LINGO2: variants seen among roughly 807,000 people sequenced by gnomAD.
LINGO2 encodes leucine-rich repeat and immunoglobulin-like domain-containing nogo receptor-interacting protein 2.
In LINGO2, 14 loss-of-function variants were observed where a neutral mutation model predicts 30.6. The observed-to-expected ratio is 0.46, with a 90% CI of 0.30 to 0.72. The LOEUF is 0.72. Among genes scored for constraint, LINGO2 ranks in the 30% least tolerant of loss-of-function variants. The pLI, the probability that LINGO2 is intolerant of heterozygous loss-of-function variation, is 0.07. For missense variants in LINGO2, 729 were observed against 751.7 expected, an observed-to-expected ratio of 0.97 and a Z score of 0.35; for synonymous variants, 317 against 288.5, an observed-to-expected ratio of 1.10 and a Z score of -1.00.
At chr9:27,949,286 C>A (rs1281063042) in exon 6 of LINGO2, 2 of 1,613,988 alleles carry the variant, frequency 1.2e-6, no homozygotes, top group East Asian at 2.2e-5. Flanking sequence ...CATCACCCAA[C>A]ACGGTGGCTC....
chr9:28,495,957 A>G (rs1218888286), intron 1 of LINGO2, among the ~76,000 whole-genome samples: 3 of 152,088 alleles, frequency 2.0e-5, no homozygotes, highest in Admixed American at 6.6e-5. Flanking sequence ...GTTTCCATGT[A>G]GTTGAGTGGT....
chr9:28,714,029 C>T, the LINGO2 span, among the ~76,000 whole-genome samples: 1 of 151,648 alleles, frequency 6.6e-6, no homozygotes, highest in African/African-American at 2.4e-5. Context: ...CCTGGTGATG[C>T]ATGCCTGCAA....
chr9:29,067,559 T>G, the LINGO2 span, among the ~76,000 whole-genome samples: 1 of 151,522 alleles, frequency 6.6e-6, no homozygotes, highest in East Asian at 1.9e-4. Context: ...GCAGAAATCT[T>G]AAGGAAAAGT....
intron 1 of LINGO2, among the ~76,000 whole-genome samples, chr9:28,649,576 T>C (rs1269391698): frequency 1.5e-5 from 2 of 137,800 alleles, no homozygotes; most frequent in Admixed American, 7.2e-5. Flanking sequence ...ATGCTACAAC[T>C]TAAATCAGTT....
chr9:28,810,871 C>A, the LINGO2 span, among the ~76,000 whole-genome samples: 1 of 152,062 alleles, frequency 6.6e-6, no homozygotes, highest in African/African-American at 2.4e-5. Context: ...GGGGGTGAGT[C>A]ACATCCTCTG....
intron 1 of LINGO2, among the ~76,000 whole-genome samples, chr9:28,520,644 G>C (rs897785451): frequency 2.0e-5 from 3 of 152,084 alleles, no homozygotes; most frequent in Non-Finnish European, 4.4e-5. Flanking sequence ...GAACCTAGAA[G>C]ACAGCCTAGT....
At chr9:28,609,156 GTT>G (rs397942277) in intron 1 of LINGO2, among the ~76,000 whole-genome samples, 3 of 141,022 alleles carry the variant, frequency 2.1e-5, no homozygotes, top group Non-Finnish European at 1.6e-5. Flanking sequence ...GAGCTAAAGA[GTT>G]TTTTTTTTTT....
chr9:28,646,945 G>A (rs1463906316), intron 1 of LINGO2, among the ~76,000 whole-genome samples: 2 of 152,060 alleles, frequency 1.3e-5, no homozygotes, highest in African/African-American at 4.8e-5. Flanking sequence ...TGAGAACATA[G>A]GTCAGTTTCT....
chr9:28,629,690 T>C (rs921344966), intron 1 of LINGO2, among the ~76,000 whole-genome samples: 12 of 152,110 alleles, frequency 7.9e-5, no homozygotes, highest in African/African-American at 2.7e-4. Context: ...ATTTTCAGAA[T>C]GCTTTCCATC....
At chr9:29,131,415 G>C in the LINGO2 span, among the ~76,000 whole-genome samples, 1 of 152,028 alleles carries the variant, frequency 6.6e-6, no homozygotes, top group Non-Finnish European at 1.5e-5. Flanking sequence ...CACCAGTCCA[G>C]CTTGGGCAAA....
intron 1 of LINGO2, among the ~76,000 whole-genome samples, chr9:28,574,395 T>A (rs1823852801): frequency 1.3e-5 from 2 of 152,328 alleles, no homozygotes; most frequent in South Asian, 4.1e-4. Context: ...TTTGTTTCCA[T>A]ACAGTCACTG....
At chr9:28,176,774 A>G (rs1168644155) in intron 4 of LINGO2, among the ~76,000 whole-genome samples, 1 of 152,204 alleles carries the variant, frequency 6.6e-6, no homozygotes, top group African/African-American at 2.4e-5. Flanking sequence ...TGATATAGAC[A>G]ATTGCCCTCA....
At chr9:27,945,437 C>G (rs1280676110), downstream of LINGO2, among the ~76,000 whole-genome samples, 1 of 152,146 alleles carries the variant, frequency 6.6e-6, no homozygotes, top group African/African-American at 2.4e-5. Flanking sequence ...TGTAGGGCAA[C>G]TTCTGAATGT....
At chr9:29,127,117 A>C in the LINGO2 span, among the ~76,000 whole-genome samples, 3 of 152,124 alleles carry the variant, frequency 2.0e-5, no homozygotes, top group African/African-American at 4.8e-5. Context: ...GGTATAACCA[A>C]GTAACCAACG....
At chr9:28,004,971 T>C (rs936649780) in intron 5 of LINGO2, among the ~76,000 whole-genome samples, 1 of 152,142 alleles carries the variant, frequency 6.6e-6, no homozygotes, top group African/African-American at 2.4e-5. Flanking sequence ...GTAATGAACA[T>C]GGGAGGCTTT....
At chr9:28,467,326 C>T (rs1157497385) in intron 2 of LINGO2, among the ~76,000 whole-genome samples, 1 of 151,932 alleles carries the variant, frequency 6.6e-6, no homozygotes, top group African/African-American at 2.4e-5. Flanking sequence ...CATGCCTGGC[C>T]CCCTAGCTGA....
chr9:28,835,844 T>G, the LINGO2 span, among the ~76,000 whole-genome samples: 1 of 152,168 alleles, frequency 6.6e-6, no homozygotes, highest in Admixed American at 6.5e-5. Context: ...TTTTTAGACC[T>G]CTACAGTCCC....
chr9:28,360,820 T>A (rs141622279), intron 3 of LINGO2, among the ~76,000 whole-genome samples: 1 of 152,138 alleles, frequency 6.6e-6, no homozygotes, highest in East Asian at 1.9e-4. Flanking sequence ...TGGCCAGCAC[T>A]TCTCTTCTTC....
chr9:29,070,742 CAA>C, the LINGO2 span, among the ~76,000 whole-genome samples: 1 of 143,254 alleles, frequency 7.0e-6, no homozygotes, highest in African/African-American at 2.6e-5. Flanking sequence ...CACTATTTTC[CAA>C]AAAAAAAAAG....
Sources: gnomAD v4.1 joint callset for allele counts (sites outside exome capture counted in the v4.1 genomes callset) on GRCh38, gnomAD v4.1.1 for gene constraint, MANE v1.5 for transcripts, NCBI Gene and HGNC (gene_info 2026-07-23, HGNC 2026-07-21) for gene names.